The following CACNG2 variants were observed in gnomAD, a reference collection of about 807,000 sequenced individuals.
The protein encoded by CACNG2 is calcium voltage-gated channel auxiliary subunit gamma 2, also known as voltage-dependent calcium channel gamma-2 subunit.
CACNG2 carries 3 observed loss-of-function variants against 25.9 expected under a neutral mutation model. The observed-to-expected ratio is 0.12, with a 90% confidence interval of 0.05 to 0.30. The LOEUF (loss-of-function observed/expected upper bound fraction) is 0.30, where lower values mean the gene tolerates loss of function less well. CACNG2 is among the 10% of genes least tolerant of loss of function. The pLI is 1.00. For synonymous variants in CACNG2, 167 were observed against 173.3 expected (o/e 0.96, Z 0.29); for missense variants, 341 against 432.5 (o/e 0.79, Z 1.88).
intron 2 of CACNG2, among the ~76,000 whole-genome samples, chr22:36,575,406 T>A (rs1935296174): frequency 6.6e-6 from 1 of 152,154 alleles, no homozygotes; most frequent in African/African-American, 2.4e-5. Context: ...TCTCTGGCCA[T>A]CACGCTGTGA....
At chr22:36,578,971 G>T (rs991364013) in intron 2 of CACNG2, among the ~76,000 whole-genome samples, 1 of 152,078 alleles carries the variant, frequency 6.6e-6, no homozygotes, top group African/African-American at 2.4e-5. Context: ...GCAATAGAGT[G>T]GTCACCTCCC....
intron 1 of CACNG2, among the ~76,000 whole-genome samples, chr22:36,678,798 C>T (rs1357136911): frequency 6.6e-6 from 1 of 152,150 alleles, no homozygotes; most frequent in Non-Finnish European, 1.5e-5. Context: ...GACACAGCTT[C>T]CCTTCGGCAG....
At chr22:36,694,728 G>C (rs1937312467) in intron 1 of CACNG2, among the ~76,000 whole-genome samples, 1 of 152,308 alleles carries the variant, frequency 6.6e-6, no homozygotes, top group Non-Finnish European at 1.5e-5. Context: ...CTTGGAAGCA[G>C]GCTTAGGAAC....
intron 1 of CACNG2, among the ~76,000 whole-genome samples, chr22:36,590,597 G>T (rs1935575992): frequency 6.6e-6 from 1 of 152,050 alleles, no homozygotes; most frequent in Admixed American, 6.5e-5. Context: ...CCCACTACCA[G>T]GCCACCATCC....
chr22:36,594,597 G>A (rs1935643964), intron 1 of CACNG2, among the ~76,000 whole-genome samples: 2 of 152,154 alleles, frequency 1.3e-5, no homozygotes, highest in Admixed American at 1.3e-4. Context: ...GGTGACAAAG[G>A]CCTCCTGAGG....
Position 36,679,197 on chromosome 22 carries a change from CCTTTCTTTCTTTCTTT to C in CACNG2, c.211+23153_211+23168del, listed in dbSNP as rs1241104277. On this transcript the variant is annotated intron_variant, in intron 1 of 3. Transcript: ENST00000300105. ...TCCTTCCTTCCTTCCTTCCTTCCTT[CCTTTCTTTCTTTCTTT>C]CTTTCTTTCTTTCTTTCCTTCTTTC... Among the ~76,000 whole-genome samples, 179 of 54,834 alleles carry C rather than the reference CCTTTCTTTCTTTCTTT, an allele frequency of 3.3e-3. 1 individual carries two copies. Among genetic ancestry groups the C allele is most frequent in the African/African-American group, 0.011 (166 of 14,506 alleles). The allele number at this position is 54,834 out of a possible 152,430, so 36.0% of individuals were successfully genotyped here. A position where few individuals can be genotyped will look rare whatever the true frequency, so the allele number is the denominator to read the frequency against.
chr22:36,634,244 A>G (rs1436127958), intron 1 of CACNG2, among the ~76,000 whole-genome samples: 6 of 152,182 alleles, frequency 3.9e-5, no homozygotes, highest in Non-Finnish European at 7.3e-5. Flanking sequence ...AGGTGTGACC[A>G]CAGGCCTGGG....
At chr22:36,638,830 TA>T (rs977089039) in intron 1 of CACNG2, among the ~76,000 whole-genome samples, 3 of 152,130 alleles carry the variant, frequency 2.0e-5, no homozygotes, top group Non-Finnish European at 4.4e-5. Context: ...TTATATTGAA[TA>T]AAAAAATGGT....
At chr22:36,587,283 C>A (rs1239099226) in intron 2 of CACNG2, among the ~76,000 whole-genome samples, 182 bp downstream of exon 2, 1 of 152,110 alleles carries the variant, frequency 6.6e-6, no homozygotes, top group East Asian at 1.9e-4. Context: ...CAGGGAAGGG[C>A]ATTGCAGGCA....
At chr22:36,634,691 T>A (rs929458191) in intron 1 of CACNG2, among the ~76,000 whole-genome samples, 8 of 152,220 alleles carry the variant, frequency 5.3e-5, no homozygotes, top group Non-Finnish European at 1.5e-5. Context: ...TAGTTAGTTA[T>A]CTGCAATAAT....
intron 1 of CACNG2, among the ~76,000 whole-genome samples, chr22:36,652,751 G>A (rs6000368): frequency 4.6e-5 from 7 of 152,212 alleles, no homozygotes; most frequent in African/African-American, 1.7e-4. Flanking sequence ...CACATAACAG[G>A]TGCTCAGTAA....
chr22:36,592,869 G>C (rs1009599662), intron 1 of CACNG2, among the ~76,000 whole-genome samples: 1 of 152,218 alleles, frequency 6.6e-6, no homozygotes, highest in Non-Finnish European at 1.5e-5. Context: ...AGGAGGTCAG[G>C]GCCGGGAATG....
intron 1 of CACNG2, among the ~76,000 whole-genome samples, chr22:36,625,453 C>G (rs1244972349): frequency 6.6e-6 from 1 of 152,174 alleles, no homozygotes; most frequent in Admixed American, 6.5e-5. Flanking sequence ...ACTGCTACCC[C>G]TTCTTTGCTT....
intron 1 of CACNG2, among the ~76,000 whole-genome samples, chr22:36,653,960 TTGTGTGTGTGTGTGTGTGTCTC>T (rs1936664123): frequency 8.1e-6 from 1 of 124,142 alleles, no homozygotes; most frequent in African/African-American, 3.2e-5. Flanking sequence ...TACAGTGTGT[TTGTGTGTGTGTGTGTGTGTCTC>T]TGTGTGTGTG....
chr22:36,650,367 A>G (rs1208463141), intron 1 of CACNG2, among the ~76,000 whole-genome samples: 1 of 151,736 alleles, frequency 6.6e-6, no homozygotes, highest in South Asian at 2.1e-4. Context: ...CCTCCTTGCC[A>G]TTCTATTTTA....
At chr22:36,644,769 C>T (rs1335572776) in intron 1 of CACNG2, among the ~76,000 whole-genome samples, 4 of 152,062 alleles carry the variant, frequency 2.6e-5, no homozygotes, top group African/African-American at 4.8e-5. Flanking sequence ...CTTAAAACAG[C>T]GCCTGGTGAA....
intron 2 of CACNG2, among the ~76,000 whole-genome samples, chr22:36,568,056 G>C (rs1353731336): frequency 6.6e-6 from 1 of 152,078 alleles, no homozygotes; most frequent in African/African-American, 2.4e-5. Flanking sequence ...CACTATGTTG[G>C]CCAGGCTGGT....
chr22:36,651,495 C>T (rs1021962958), intron 1 of CACNG2, among the ~76,000 whole-genome samples: 1 of 152,118 alleles, frequency 6.6e-6, no homozygotes, highest in Non-Finnish European at 1.5e-5. Flanking sequence ...TCCCAAAGTG[C>T]TGGGATTACA....
intron 1 of CACNG2, among the ~76,000 whole-genome samples, chr22:36,625,196 T>C (rs1304305366): frequency 1.3e-5 from 2 of 152,002 alleles, no homozygotes; most frequent in Admixed American, 6.6e-5. Context: ...AAAATTAAAA[T>C]AGTTTCTGTA....
Sources: allele counts gnomAD v4.1 joint callset (sites outside exome capture counted in the v4.1 genomes callset), GRCh38; gene constraint gnomAD v4.1.1; transcripts MANE v1.5; gene names NCBI Gene and HGNC (gene_info 2026-07-23, HGNC 2026-07-21).